MAP3K13: variants seen among roughly 807,000 people sequenced by gnomAD.
The protein encoded by MAP3K13 is leucine zipper-bearing kinase.
A neutral mutation model predicts 104.0 loss-of-function variants in MAP3K13; 52 were observed. The ratio of observed to expected loss-of-function variants is 0.50; its 90% CI spans 0.40 to 0.63. The LOEUF (loss-of-function observed/expected upper bound fraction) is 0.63, where lower values mean the gene tolerates loss of function less well. Ranked by LOEUF, MAP3K13 falls within the 20% of genes least tolerant of loss-of-function variation. The pLI is 0.00. For synonymous variants in MAP3K13, 394 were observed against 442.2 expected (o/e 0.89, Z 1.37); for missense variants, 914 against 1,218.5 (o/e 0.75, Z 3.72).
At position 185,329,822 on chromosome 3, in the gene MAP3K13, A is replaced by G. The variant is rs183729930; in HGVS notation, c.-86+44179A>G. On this transcript the variant is annotated intron_variant, in intron 2 of 14. Coordinates refer to the MAP3K13 transcript ENST00000424227. ...TTCTATTTCCCTTTTACCACAATGC[A>G]TTTTTAAAAAACCTGGTACATGACA... 2.2e-3 allele frequency among the ~76,000 whole-genome samples: 325 copies of G among 151,010 alleles called. 1 individual carries two copies. Among genetic ancestry groups the G allele is most frequent in the African/African-American group, 7.5e-3 (309 of 41,162 alleles).
chr3:185,283,498 T>TGAAC (rs1720385534), intron 1 of MAP3K13, among the ~76,000 whole-genome samples: 2 of 151,488 alleles, frequency 1.3e-5, no homozygotes, highest in Admixed American at 6.6e-5. Flanking sequence ...AATGAATGAA[T>TGAAC]GAACCAACCA....
chr3:185,469,585 AC>A (rs1328086213), intron 10 of MAP3K13, among the ~76,000 whole-genome samples: 1 of 152,144 alleles, frequency 6.6e-6, no homozygotes, highest in African/African-American at 2.4e-5. Context: ...AACCCTTAAT[AC>A]CTGGAACTTC....
intron 2 of MAP3K13, among the ~76,000 whole-genome samples, chr3:185,287,529 C>T (rs1720564706): frequency 6.6e-6 from 1 of 152,012 alleles, no homozygotes. Context: ...TTTTTGTCTT[C>T]CCACACTTTT....
At chr3:185,467,925 A>C (rs1453464682) in intron 10 of MAP3K13, among the ~76,000 whole-genome samples, 1 of 152,130 alleles carries the variant, frequency 6.6e-6, no homozygotes, top group Non-Finnish European at 1.5e-5. Context: ...ACTTATAATC[A>C]TGGTGAAAAA....
intron 1 of MAP3K13, among the ~76,000 whole-genome samples, chr3:185,373,976 T>C (rs1022059447): frequency 2.0e-5 from 3 of 151,886 alleles, no homozygotes; most frequent in Non-Finnish European, 4.4e-5. Context: ...TTAAGAACAA[T>C]GTTTTGGGGG....
chr3:185,385,993 C>T (rs112120230), intron 1 of MAP3K13, among the ~76,000 whole-genome samples: 1,811 of 138,774 alleles, frequency 0.013, 41 homozygotes, highest in African/African-American at 0.046. Flanking sequence ...ACAAAGCAGA[C>T]CCTATCTTAA....
At chr3:185,424,769 A>C (rs1032432017) in intron 1 of MAP3K13, among the ~76,000 whole-genome samples, 1 of 152,226 alleles carries the variant, frequency 6.6e-6, no homozygotes, top group Non-Finnish European at 1.5e-5. Flanking sequence ...TAATGGTAAC[A>C]GTAACGTTCT....
At chr3:185,392,196 G>A (rs1360122873) in intron 1 of MAP3K13, among the ~76,000 whole-genome samples, 1 of 152,290 alleles carries the variant, frequency 6.6e-6, no homozygotes, top group East Asian at 1.9e-4. Context: ...TTATACAGCT[G>A]CTTAAGTAAG....
chr3:185,284,045 C>G (rs1268786094), intron 1 of MAP3K13, among the ~76,000 whole-genome samples: 2 of 151,626 alleles, frequency 1.3e-5, no homozygotes, highest in Non-Finnish European at 2.9e-5. Flanking sequence ...ATTACAGGCA[C>G]GCGCCACCAC....
Position 185,454,454 on chromosome 3 carries a change from G to T in MAP3K13, c.1278+3059G>T, listed in dbSNP as rs192590781. Among the ~76,000 whole-genome samples the T allele has an allele frequency of 1.1e-4, 6 of 55,480 alleles. No homozygotes were observed. In the East Asian group the frequency reaches 2.5e-3, roughly 23 times the overall value. The allele number at this position is 55,480 out of a possible 152,430, so 36.4% of individuals were successfully genotyped here. On this transcript the variant is annotated intron_variant, in intron 7 of 13. Transcript: ENST00000265026. ...TGATATATATGAGATATATATATGA[G>T]ATATATATGATATATATATGAGATA...
chr3:185,320,971 A>G (rs1721834331), intron 2 of MAP3K13, among the ~76,000 whole-genome samples: 1 of 152,218 alleles, frequency 6.6e-6, no homozygotes, highest in African/African-American at 2.4e-5. Flanking sequence ...AGTATGTGAC[A>G]GTAGTGCATG....
chr3:185,477,470 C>G, intron 12 of MAP3K13, 74 bp downstream of exon 12: 4 of 1,079,644 alleles, frequency 3.7e-6, no homozygotes, highest in Non-Finnish European at 5.7e-6. Flanking sequence ...CACACCTGCT[C>G]TTCAACCACA....
At chr3:185,336,128 AAG>A (rs776526221) in intron 2 of MAP3K13, among the ~76,000 whole-genome samples, 13 of 152,208 alleles carry the variant, frequency 8.5e-5, no homozygotes, top group Non-Finnish European at 1.8e-4. Context: ...GAGGAACCAG[AAG>A]AGAGAGTAGA....
chr3:185,485,599 G>A lies in MAP3K13; in HGVS notation c.*3143G>A, dbSNP rs943662740. 1 of 151,726 alleles carries A rather than the reference G, an allele frequency of 6.6e-6. No homozygotes were observed. The highest frequency in any genetic ancestry group is 1.5e-5 in the Non-Finnish European group (1 of 67,970). The allele number at this position is 151,726 out of a possible 1,614,324, so 9.4% of individuals were successfully genotyped here. A position where few individuals can be genotyped will look rare whatever the true frequency, so the allele number is the denominator to read the frequency against. ...TCTCGGTGATCAGATCGACTGTCTC[G>A]GTTATCAGATGACTGTATCGCAGTG... On this transcript the variant is annotated 3_prime_UTR_variant, in exon 14 of 14. Coordinates refer to ENST00000265026, the MANE Select transcript of MAP3K13 (RefSeq NM_004721.5).
chr3:185,439,018 G>C (rs1054294636), intron 3 of MAP3K13, among the ~76,000 whole-genome samples: 1 of 152,134 alleles, frequency 6.6e-6, no homozygotes, highest in Non-Finnish European at 1.5e-5. Context: ...TGATTATAAA[G>C]CTAAAAATGT....
At chr3:185,300,318 T>C (rs1424931604) in intron 2 of MAP3K13, among the ~76,000 whole-genome samples, 2 of 150,432 alleles carry the variant, frequency 1.3e-5, no homozygotes, top group African/African-American at 4.9e-5. Context: ...GCCTCCCGAG[T>C]AGCTGGGACA....
intron 2 of MAP3K13, chr3:185,292,835 G>C (rs1001663353): frequency 3.0e-6 from 3 of 983,834 alleles, no homozygotes; most frequent in Non-Finnish European, 3.6e-6. Flanking sequence ...TAAAATTATA[G>C]CTTAGCATTG....
At position 185,436,812 on chromosome 3, in the gene MAP3K13, G is replaced by A. The variant is rs547616777; in HGVS notation, c.476-635G>A. Among the ~76,000 whole-genome samples, 5 of 151,886 alleles carry A rather than the reference G, an allele frequency of 3.3e-5. No individual in the cohort carries two copies. The South Asian group carries it at 1.0e-3, about 31-fold the overall frequency. On this transcript the variant is annotated intron_variant, in intron 2 of 13. Coordinates refer to ENST00000265026, the MANE Select transcript of MAP3K13 (RefSeq NM_004721.5). ...GAGGTCAGGAGTTCGAGACCAGTCT[G>A]ACCAACATGGTGAAACCCTGCCTCT...
At chr3:185,437,416 C>T in intron 2 of MAP3K13, 31 bp from the exon 3 acceptor site, 2 of 1,603,810 alleles carry the variant, frequency 1.2e-6, no homozygotes, top group East Asian at 4.5e-5. Flanking sequence ...TCTGAGATCT[C>T]TTCAAGCTTA....
Sources: gnomAD v4.1 joint callset for allele counts (sites outside exome capture counted in the v4.1 genomes callset) on GRCh38, gnomAD v4.1.1 for gene constraint, MANE v1.5 for transcripts, NCBI Gene and HGNC (gene_info 2026-07-23, HGNC 2026-07-21) for gene names.